The following TMEM71 variants were observed in gnomAD, a reference collection of about 807,000 sequenced individuals.
TMEM71 encodes the protein transmembrane protein 71.
Under a neutral mutation model 38.0 loss-of-function variants are expected in TMEM71, and 44 were observed. The observed-to-expected ratio is 1.16, with a 90% CI of 0.91 to 1.49. The LOEUF is 1.49. TMEM71 is among the 40% of genes most tolerant of loss of function. TMEM71 has a pLI of 0.00. For synonymous variants in TMEM71, 133 were observed against 122.5 expected, an observed-to-expected ratio of 1.09 and a Z score of -0.56; for missense variants, 367 against 348.6, an observed-to-expected ratio of 1.05 and a Z score of -0.42.
At chr8:132,774,518 T>C in the TMEM71 span, among the ~76,000 whole-genome samples, 1 of 152,246 alleles carries the variant, frequency 6.6e-6, no homozygotes, top group Non-Finnish European at 1.5e-5. Context: ...AGAGAGTTAC[T>C]TTGCTATTTT....
intron 3 of TMEM71, among the ~76,000 whole-genome samples, chr8:132,756,326 G>A (rs1051001422): frequency 1.4e-5 from 2 of 147,918 alleles, no homozygotes; most frequent in Admixed American, 6.8e-5. Flanking sequence ...TTGAGACAAA[G>A]TAACAATTCA....
intron 5 of TMEM71, among the ~76,000 whole-genome samples, chr8:132,729,871 C>T (rs1329197959): frequency 6.6e-6 from 1 of 152,032 alleles, no homozygotes; most frequent in Non-Finnish European, 1.5e-5. Flanking sequence ...TAGGAGAAGG[C>T]ATGAAAGCTT....
At chr8:132,752,736 C>G (rs191633590) in intron 3 of TMEM71, among the ~76,000 whole-genome samples, 10 of 145,166 alleles carry the variant, frequency 6.9e-5, no homozygotes, top group Non-Finnish European at 1.3e-4. Flanking sequence ...ATAGCAAAGA[C>G]CCTGTATCTA....
downstream of TMEM71, among the ~76,000 whole-genome samples, chr8:132,707,482 C>T (rs550075353): frequency 6.6e-6 from 1 of 152,240 alleles, no homozygotes; most frequent in South Asian, 2.1e-4. Flanking sequence ...GTCATGAGGG[C>T]TCAGCCCTCA....
intron 1 of TMEM71, among the ~76,000 whole-genome samples, chr8:132,759,672 G>A (rs1024178371): frequency 2.0e-5 from 3 of 152,122 alleles, no homozygotes; most frequent in African/African-American, 4.8e-5. Flanking sequence ...GCTTTATAAG[G>A]TAGGAGTAAA....
rs1337321188 is a variant in TMEM71 at position 132,727,843 on chromosome 8, A to G, written c.631T>C (p.Leu211=). ...TCTTGGAAACGTTCAGAAGCTGTCA[A>G]CTGGGACTGAAGAGACAAGCTATGG... ...NSHSLSLQSQ[L]TASERFQENS... The change falls in exon 6 of 10, where the codon TTG becomes CTG. Residue 211 remains leucine (L), a synonymous_variant. Coordinates refer to ENST00000677595, the MANE Select transcript of TMEM71 (RefSeq NM_001382403.1). The G allele has an allele frequency of 5.0e-6, 8 of 1,614,010 alleles. No individual in the cohort carries two copies. The highest frequency in any genetic ancestry group is 1.7e-6 in the Non-Finnish European group (2 of 1,179,938).
At chr8:132,758,584 C>A in intron 2 of TMEM71, 1 of 453,734 alleles carries the variant, frequency 2.2e-6, no homozygotes, top group Non-Finnish European at 3.9e-6. Context: ...AAACAATCTC[C>A]TTTCACATTT....
downstream of TMEM71, among the ~76,000 whole-genome samples, chr8:132,708,440 G>A (rs1826126340): frequency 6.6e-6 from 1 of 152,218 alleles, no homozygotes; most frequent in African/African-American, 2.4e-5. Flanking sequence ...AGAATCAGTG[G>A]ATGTTGTGTT....
In TMEM71 at chr8:132,752,618, C is replaced by T. The variant is rs1828776156; in HGVS notation, c.102-621G>A. Among the ~76,000 whole-genome samples the T allele has an allele frequency of 2.0e-5, 3 of 152,044 alleles. No homozygotes were observed. In the South Asian group the frequency reaches 6.2e-4, roughly 31 times the overall value. The stretch of plus-strand genomic sequence containing the variant: ...GCGTGGTGGCATGTGCCTATAGTCC[C>T]AGCTACTCAGAAGGCTAAGGCAGGA... On this transcript the variant is annotated intron_variant, in intron 3 of 9. Transcript: ENST00000677595.
chr8:132,749,398 T>C (rs185758238), intron 4 of TMEM71, among the ~76,000 whole-genome samples: 1 of 152,360 alleles, frequency 6.6e-6, no homozygotes, highest in Admixed American at 6.5e-5. Context: ...CCAAATACAC[T>C]GTACCTGGAC....
intron 5 of TMEM71, among the ~76,000 whole-genome samples, chr8:132,735,764 T>C (rs948321609): frequency 3.9e-5 from 6 of 152,246 alleles, no homozygotes; most frequent in African/African-American, 1.4e-4. Context: ...TTTAGAACAG[T>C]GATTCTCAGA....
Position 132,759,168 on chromosome 8 carries a change from T to C in TMEM71, c.-36-253A>G, listed in dbSNP as rs1254771650. 7 of 295,606 alleles carry C rather than the reference T, an allele frequency of 2.4e-5. No homozygotes were observed. The East Asian group carries it at 4.2e-4, about 18-fold the overall frequency. The allele number at this position is 295,606 out of a possible 1,614,324, so 18.3% of individuals were successfully genotyped here. A position where few individuals can be genotyped will look rare whatever the true frequency, so the allele number is the denominator to read the frequency against. The stretch of plus-strand genomic sequence containing the variant: ...TTTTCTGTAAATAAGAACCACACTT[T>C]ATTTGGAAAATCTAGACTTAAAAAG... On this transcript the variant is annotated intron_variant, in intron 1 of 9. Coordinates refer to ENST00000677595, the MANE Select transcript of TMEM71 (RefSeq NM_001382403.1).
intron 2 of TMEM71, among the ~76,000 whole-genome samples, chr8:132,757,654 T>A (rs1829100693): frequency 6.6e-6 from 1 of 151,848 alleles, no homozygotes; most frequent in African/African-American, 2.4e-5. Context: ...TGACACCCCG[T>A]CTTTACTAAA....
chr8:132,719,590 CAT>C (rs1826727889), intron 7 of TMEM71, among the ~76,000 whole-genome samples: 1 of 152,204 alleles, frequency 6.6e-6, no homozygotes, highest in Non-Finnish European at 1.5e-5. Context: ...TATGTGCAAA[CAT>C]ATCAACTTTC....
chr8:132,756,160 G>A (rs1386418037), intron 3 of TMEM71, among the ~76,000 whole-genome samples: 1 of 151,732 alleles, frequency 6.6e-6, no homozygotes, highest in Non-Finnish European at 1.5e-5. Context: ...CAGTCAGAGA[G>A]TCATTAAAAA....
chr8:132,711,443 C>A (rs1826230880), intron 9 of TMEM71, among the ~76,000 whole-genome samples: 1 of 152,184 alleles, frequency 6.6e-6, no homozygotes. Flanking sequence ...GTAGAACAGC[C>A]TGTAGGGTAA....
intron 4 of TMEM71, among the ~76,000 whole-genome samples, chr8:132,749,241 C>G (rs1828558285): frequency 6.6e-6 from 1 of 152,110 alleles, no homozygotes; most frequent in Non-Finnish European, 1.5e-5. Flanking sequence ...TCAGAATCAA[C>G]CATGGCTGAA....
At chr8:132,737,389 G>A (rs1402910754) in intron 5 of TMEM71, among the ~76,000 whole-genome samples, 2 of 152,160 alleles carry the variant, frequency 1.3e-5, no homozygotes. Context: ...ATCTACCAGG[G>A]ACTACAGAAT....
At chr8:132,761,771 A>T (rs1359127495), upstream of TMEM71, among the ~76,000 whole-genome samples, 1 of 152,160 alleles carries the variant, frequency 6.6e-6, no homozygotes, top group Non-Finnish European at 1.5e-5. Flanking sequence ...GGACTCTATT[A>T]CTTTCTTGCT....
Sources: allele counts gnomAD v4.1 joint callset (sites outside exome capture counted in the v4.1 genomes callset), GRCh38; gene constraint gnomAD v4.1.1; transcripts MANE v1.5; gene names NCBI Gene and HGNC (gene_info 2026-07-23, HGNC 2026-07-21).